NLGN4X: variants seen among roughly 807,000 people sequenced by gnomAD.
NLGN4X encodes neuroligin-4, X-linked.
Under a neutral mutation model 40.3 loss-of-function variants are expected in NLGN4X, and 3 were observed. The observed-to-expected ratio is 0.07, with a 90% CI of 0.03 to 0.19. The LOEUF (loss-of-function observed/expected upper bound fraction) is 0.19, where lower values mean the gene tolerates loss of function less well. NLGN4X is among the 10% of genes least tolerant of loss of function. NLGN4X has a pLI of 1.00. For synonymous variants in NLGN4X, 270 were observed against 306.8 expected, an observed-to-expected ratio of 0.88 and a Z score of 1.25; for missense variants, 382 against 708.3, an observed-to-expected ratio of 0.54 and a Z score of 5.23.
intron 3 of NLGN4X, among the ~76,000 whole-genome samples, chrX:5,935,618 T>G (rs1243095721): frequency 1.8e-5 from 2 of 112,076 alleles, no homozygotes; most frequent in Non-Finnish European, 3.8e-5. Context: ...TTCTGCATTT[T>G]TTTTCAACAA....
intron 2 of NLGN4X, among the ~76,000 whole-genome samples, chrX:6,064,971 G>A (rs2037871861): frequency 9.0e-5 from 10 of 111,529 alleles, no homozygotes; most frequent in Admixed American, 8.6e-4. Flanking sequence ...AGCAACAAGA[G>A]TGCAGCTGGA....
chrX:5,931,421 A>G (rs894683614), intron 3 of NLGN4X, among the ~76,000 whole-genome samples: 2 of 111,911 alleles, frequency 1.8e-5, no homozygotes, highest in Admixed American at 9.5e-5. Context: ...AAATAAGTAT[A>G]TATGTTGCAT....
At position 6,117,344 on chromosome X, in the gene NLGN4X, T is replaced by C. The variant is rs191806506; in HGVS notation, c.472+33651A>G. The stretch of plus-strand genomic sequence containing the variant: ...CCTCTGAACCTGAGCAGACAGGACA[T>C]GGCTGGAAAAAAACCCTCCAACCAT... On this transcript the variant is annotated intron_variant, in intron 2 of 5. Coordinates refer to ENST00000381095, the MANE Select transcript of NLGN4X (RefSeq NM_181332.3). Among the ~76,000 whole-genome samples, 114 of 111,070 alleles carry C rather than the reference T, an allele frequency of 1.0e-3. 2 individuals carry two copies. Among genetic ancestry groups the C allele is most frequent in the African/African-American group, 3.6e-3 (110 of 30,459 alleles).
intron 1 of NLGN4X, among the ~76,000 whole-genome samples, chrX:6,223,918 C>T (rs1925922660): frequency 1.8e-5 from 2 of 112,697 alleles, no homozygotes; most frequent in Non-Finnish European, 1.9e-5. Flanking sequence ...AAAACACACA[C>T]AAAAAGAGCA....
At chrX:5,982,877 C>CA (rs1230523339) in intron 3 of NLGN4X, among the ~76,000 whole-genome samples, 16 of 111,633 alleles carry the variant, frequency 1.4e-4, no homozygotes, top group African/African-American at 4.9e-4. Flanking sequence ...TACAAACAAA[C>CA]AAAAAACAAA....
chrX:6,127,034 C>A (rs779101284), intron 2 of NLGN4X, among the ~76,000 whole-genome samples: 1 of 110,814 alleles, frequency 9.0e-6, no homozygotes, highest in Admixed American at 9.6e-5. Context: ...CTCCACTCCT[C>A]TCTGGTGTGG....
At chrX:6,063,560 AT>A (rs1304449687) in intron 2 of NLGN4X, among the ~76,000 whole-genome samples, 1 of 112,089 alleles carries the variant, frequency 8.9e-6, no homozygotes, top group Non-Finnish European at 1.9e-5. Context: ...AAGGGAGGAA[AT>A]TTTATTTATT....
chrX:5,979,572 AT>A (rs2147058470), intron 3 of NLGN4X, among the ~76,000 whole-genome samples: 1 of 109,944 alleles, frequency 9.1e-6, no homozygotes, highest in Non-Finnish European at 1.9e-5. Context: ...CTGTGGTTTC[AT>A]TTGTGCATTT....
chrX:6,123,376 T>C (rs1170207733), intron 2 of NLGN4X, among the ~76,000 whole-genome samples: 4 of 112,124 alleles, frequency 3.6e-5, no homozygotes, highest in Non-Finnish European at 7.5e-5. Flanking sequence ...GAAACTGTCA[T>C]TTAAATGATA....
chrX:6,216,191 T>A (rs1382457954), intron 1 of NLGN4X, among the ~76,000 whole-genome samples: 1 of 111,450 alleles, frequency 9.0e-6, no homozygotes, highest in East Asian at 2.8e-4. Context: ...AAGAGAGAAT[T>A]TTTTTCCTGT....
At chrX:5,914,810 T>A (rs1365468589) in intron 3 of NLGN4X, among the ~76,000 whole-genome samples, 1 of 111,643 alleles carries the variant, frequency 9.0e-6, no homozygotes, top group East Asian at 2.8e-4. Flanking sequence ...CAAAAAGAAA[T>A]CTGTTTGGTT....
chrX:6,142,474 C>T (rs963398798), intron 2 of NLGN4X, among the ~76,000 whole-genome samples: 2 of 112,338 alleles, frequency 1.8e-5, no homozygotes, highest in African/African-American at 3.2e-5. Context: ...ATTATCTTTA[C>T]TTATAAGCTG....
intron 2 of NLGN4X, among the ~76,000 whole-genome samples, chrX:6,131,960 T>C (rs1304542213): frequency 1.8e-5 from 2 of 111,724 alleles, no homozygotes; most frequent in Admixed American, 1.9e-4. Flanking sequence ...GAGGCTGTCC[T>C]ATGCACTGTT....
chrX:5,999,384 T>C (rs1021410525), intron 3 of NLGN4X, among the ~76,000 whole-genome samples: 2 of 112,173 alleles, frequency 1.8e-5, no homozygotes, highest in Non-Finnish European at 3.8e-5. Flanking sequence ...CTAACCTGTT[T>C]CTCTTAGAAT....
At chrX:6,189,172 G>A (rs1419547049) in intron 1 of NLGN4X, among the ~76,000 whole-genome samples, 1 of 112,249 alleles carries the variant, frequency 8.9e-6, no homozygotes, top group Admixed American at 9.5e-5. Flanking sequence ...TCAGGCCTAT[G>A]TGTGTCTCCA....
intron 3 of NLGN4X, among the ~76,000 whole-genome samples, chrX:6,020,926 C>T (rs920835699): frequency 1.8e-5 from 2 of 109,552 alleles, no homozygotes; most frequent in African/African-American, 6.6e-5. Flanking sequence ...ATCCTCCTGC[C>T]TCAGCTTTTC....
chrX:6,195,542 A>G (rs1203383864), intron 1 of NLGN4X, among the ~76,000 whole-genome samples: 1 of 112,677 alleles, frequency 8.9e-6, no homozygotes, highest in African/African-American at 3.2e-5. Context: ...CCCATGATGC[A>G]TGAGTGTGCA....
At chrX:6,048,517 G>A (rs137857044) in intron 2 of NLGN4X, among the ~76,000 whole-genome samples, 4,269 of 111,657 alleles carry the variant, frequency 0.038, 153 homozygotes, top group African/African-American at 0.12. Context: ...ACTTGCGTGA[G>A]ATGGTTTCTC....
intron 1 of NLGN4X, among the ~76,000 whole-genome samples, chrX:6,172,939 T>A (rs1012436022): frequency 2.7e-5 from 3 of 112,403 alleles, no homozygotes; most frequent in African/African-American, 9.7e-5. Context: ...ACAAGAAAGC[T>A]GATGGCTGTG....
Sources: gnomAD v4.1 joint callset for allele counts (sites outside exome capture counted in the v4.1 genomes callset) on GRCh38, gnomAD v4.1.1 for gene constraint, MANE v1.5 for transcripts, NCBI Gene and HGNC (gene_info 2026-07-23, HGNC 2026-07-21) for gene names.